Variants in MTDH observed in about 807,000 individuals in gnomAD.
The protein encoded by MTDH is protein LYRIC.
MTDH carries 34 observed loss-of-function variants against 72.7 expected under a neutral mutation model. The observed-to-expected ratio is 0.47, with a 90% CI of 0.36 to 0.62. The LOEUF (loss-of-function observed/expected upper bound fraction) is 0.62. MTDH is among the 20% of genes least tolerant of loss of function. MTDH has a pLI of 0.00. For synonymous variants in MTDH, 266 were observed against 268.9 expected (o/e 0.99, Z 0.10); for missense variants, 677 against 699.4 (o/e 0.97, Z 0.36).
intron 1 of MTDH, among the ~76,000 whole-genome samples, chr8:97,658,971 G>C (rs1383068300): frequency 1.3e-4 from 19 of 151,898 alleles, no homozygotes; most frequent in African/African-American, 4.6e-4. Flanking sequence ...GTGAAACCCC[G>C]TCTCTACTAA....
chr8:97,689,610 GATTGA>G (rs1001782897), intron 5 of MTDH, among the ~76,000 whole-genome samples: 3 of 151,632 alleles, frequency 2.0e-5, no homozygotes, highest in African/African-American at 4.8e-5. Context: ...TTATGATAAA[GATTGA>G]ATTAAGTAGA....
At chr8:97,655,073 TG>T (rs1811914567) in intron 1 of MTDH, among the ~76,000 whole-genome samples, 1 of 152,140 alleles carries the variant, frequency 6.6e-6, no homozygotes, top group Admixed American at 6.6e-5. Context: ...CACTCCAGCC[TG>T]GGCAACAGAG....
intron 8 of MTDH, among the ~76,000 whole-genome samples, chr8:97,708,389 C>G (rs1464841451): frequency 7.0e-6 from 1 of 143,164 alleles, no homozygotes; most frequent in Non-Finnish European, 1.5e-5. Flanking sequence ...TCAAGTGATT[C>G]TCCCTCCTCA....
At chr8:97,682,264 A>ATATATATG (rs1813154090) in intron 2 of MTDH, among the ~76,000 whole-genome samples, 1 of 5,644 alleles carries the variant, frequency 1.8e-4, no homozygotes, top group Admixed American at 2.6e-3. Flanking sequence ...ATATATATAT[A>ATATATATG]TATATATATA....
At chr8:97,650,793 G>C (rs1189946248) in intron 1 of MTDH, among the ~76,000 whole-genome samples, 2 of 150,898 alleles carry the variant, frequency 1.3e-5, no homozygotes, top group Non-Finnish European at 3.0e-5. Context: ...GCAGTGGTGT[G>C]ATCTTGGCTC....
intron 1 of MTDH, among the ~76,000 whole-genome samples, chr8:97,650,627 A>C (rs1228466140): frequency 6.6e-6 from 1 of 152,152 alleles, no homozygotes; most frequent in Non-Finnish European, 1.5e-5. Context: ...GTGCTGCTTC[A>C]ACTGTAAAGC....
At chr8:97,721,154 C>G (rs1815105910) in intron 10 of MTDH, among the ~76,000 whole-genome samples, 1 of 151,926 alleles carries the variant, frequency 6.6e-6, no homozygotes. Context: ...ATAAATACAA[C>G]CTCAGGGCCA....
chr8:97,697,170 G>T (rs1813894248), intron 6 of MTDH, among the ~76,000 whole-genome samples: 1 of 111,556 alleles, frequency 9.0e-6, no homozygotes, highest in African/African-American at 4.7e-5. Context: ...TGTGGACCCA[G>T]TTTACTAATT....
intron 2 of MTDH, among the ~76,000 whole-genome samples, chr8:97,682,233 TATATATATATATATATATATATA>T (rs1813114994): frequency 6.0e-4 from 1 of 1,668 alleles, no homozygotes; most frequent in African/African-American, 2.2e-3. Flanking sequence ...AATTACTTTA[TATATATATATATATATATATATA>T]TATATATATA....
chr8:97,675,730 G>T (rs1367238032), intron 2 of MTDH, among the ~76,000 whole-genome samples: 1 of 151,772 alleles, frequency 6.6e-6, no homozygotes, highest in African/African-American at 2.4e-5. Flanking sequence ...AAATTAGCCT[G>T]GTGTGGTAGC....
At position 97,649,224 on chromosome 8, in the gene MTDH, T is replaced by C. The variant is rs1476828927; in HGVS notation, c.381+4337T>C. On this transcript the variant is annotated intron_variant, in intron 1 of 11. Transcript: ENST00000336273. ...ATGACTGTATTCTAATAGTATGCAG[T>C]GTCTTTTGTAGTCATTACTTCTGTT... Among the ~76,000 whole-genome samples, 5 of 152,372 alleles carry C rather than the reference T, an allele frequency of 3.3e-5. No homozygotes were observed. In the East Asian group the frequency reaches 9.6e-4, roughly 29 times the overall value.
intron 2 of MTDH, among the ~76,000 whole-genome samples, chr8:97,686,398 T>G (rs895332380): frequency 1.3e-5 from 2 of 152,178 alleles, no homozygotes; most frequent in African/African-American, 4.8e-5. Flanking sequence ...TTTCATTTCC[T>G]CATCTCTAAA....
intron 6 of MTDH, among the ~76,000 whole-genome samples, chr8:97,695,139 T>C (rs1813781413): frequency 6.6e-6 from 1 of 151,530 alleles, no homozygotes; most frequent in Admixed American, 6.6e-5. Flanking sequence ...GATGGAGGCT[T>C]GTTCTGTCAC....
chr8:97,714,689 A>C (rs1384061346), intron 9 of MTDH, among the ~76,000 whole-genome samples: 1 of 152,140 alleles, frequency 6.6e-6, no homozygotes, highest in East Asian at 1.9e-4. Flanking sequence ...TAATACTGTT[A>C]CATTACAACT....
Position 97,724,690 on chromosome 8 carries a change from G to C in MTDH, c.*20G>C, listed in dbSNP as rs372368997. On this transcript the variant is annotated 3_prime_UTR_variant, in exon 12 of 12. Coordinates refer to ENST00000336273, the MANE Select transcript of MTDH (RefSeq NM_178812.4). The stretch of plus-strand genomic sequence containing the variant: ...ACGTGAAATTTTTTTTCCTGAATTG[G>C]ACATGTGTTTGCAAACACTTGTCTT... 2.6e-6 allele frequency: 4 copies of C among 1,555,276 alleles called. No individual in the cohort carries two copies. The African/African-American group carries it at 5.5e-5, about 22-fold the overall frequency.
chr8:97,667,784 G>A (rs1357896585), intron 2 of MTDH, among the ~76,000 whole-genome samples: 2 of 144,472 alleles, frequency 1.4e-5, no homozygotes, highest in Admixed American at 1.4e-4. Context: ...TTGAGCCCAT[G>A]AGTTCAAGAC....
At chr8:97,716,562 C>T (rs931055790) in intron 9 of MTDH, among the ~76,000 whole-genome samples, 2 of 152,036 alleles carry the variant, frequency 1.3e-5, no homozygotes, top group Middle Eastern at 3.4e-3. Context: ...GTAGCTGGCG[C>T]CTGTAGTCCC....
chr8:97,682,516 G>T (rs1813178504), intron 2 of MTDH, among the ~76,000 whole-genome samples: 1 of 150,742 alleles, frequency 6.6e-6, no homozygotes, highest in African/African-American at 2.4e-5. Context: ...GCCAAGGCTG[G>T]TTTCAAATTC....
chr8:97,696,376 TCAAGTACTGCTA>T, intron 6 of MTDH: 1 of 570,430 alleles, frequency 1.8e-6, no homozygotes, highest in Non-Finnish European at 2.2e-6. Flanking sequence ...CTAATCAACA[TCAAGTACTGCTA>T]TCAATATAAA....
Sources: allele counts gnomAD v4.1 joint callset (sites outside exome capture counted in the v4.1 genomes callset), GRCh38; gene constraint gnomAD v4.1.1; transcripts MANE v1.5; gene names NCBI Gene and HGNC (gene_info 2026-07-23, HGNC 2026-07-21).